ZFP2: variants seen among roughly 807,000 people sequenced by gnomAD.
The protein encoded by ZFP2 is zinc finger protein ZFP2.
A neutral mutation model predicts 36.1 loss-of-function variants in ZFP2; 33 were observed. The observed-to-expected ratio is 0.92, with a 90% confidence interval of 0.69 to 1.22. The LOEUF is 1.22. ZFP2 is among the 50% of genes most tolerant of loss of function. The probability of loss-of-function intolerance (pLI) is 0.00; values close to 1 mark genes in which losing one functional copy is unlikely to be tolerated. For missense variants in ZFP2, 522 were observed against 551.4 expected (o/e 0.95, Z 0.53); for synonymous variants, 170 against 178.0 (o/e 0.96, Z 0.36).
chr5:178,931,099 A>T, intron 4 of ZFP2, 138 bp from the exon 5 acceptor site: 2 of 885,408 alleles, frequency 2.3e-6, no homozygotes, highest in Non-Finnish European at 3.1e-6. Flanking sequence ...AATTTTGGGT[A>T]CATGTTTGAA....
rs972711369 is a variant in ZFP2 at position 178,912,849 on chromosome 5, G to A, written c.-314+130G>A. ...AAGATTGAAATTTTCTGTAGAGAAT[G>A]GAAAATGGGGAACTTCATAAGCCAC... is the stretch of plus-strand genomic sequence containing the variant. On this transcript the variant is annotated intron_variant, in intron 2 of 4. Coordinates refer to ENST00000361362, the MANE Select transcript of ZFP2 (RefSeq NM_030613.4). The A allele has an allele frequency of 1.4e-5, 12 of 875,038 alleles. No homozygotes were observed. The African/African-American group carries it at 1.8e-4, about 13-fold the overall frequency. 54.2% of individuals were successfully genotyped at this position (875,038 alleles called of 1,614,324 possible).
chr5:178,901,302 T>A (rs1392061583), intron 1 of ZFP2, among the ~76,000 whole-genome samples: 1 of 152,256 alleles, frequency 6.6e-6, no homozygotes, highest in African/African-American at 2.4e-5. Flanking sequence ...CTACATGCTC[T>A]TCCATACTTG....
chr5:178,931,234 C>A lies in ZFP2; in HGVS notation c.-77-3C>A. On this transcript the variant is annotated splice_polypyrimidine_tract_variant and splice_region_variant and intron_variant, in intron 4 of 4. Transcript: ENST00000361362. ...GTGCATTTGAATTTTTTTTTTTTTT[C>A]AGACTGGGAGACAAGACTTGAAACC... 1.4e-6 allele frequency: 2 copies of A among 1,454,062 alleles called. No individual in the cohort carries two copies. The highest frequency in any genetic ancestry group is 1.8e-6 in the Non-Finnish European group (2 of 1,104,190). 90.1% of individuals were successfully genotyped at this position (1,454,062 alleles called of 1,614,324 possible).
intron 1 of ZFP2, among the ~76,000 whole-genome samples, chr5:178,906,837 C>T (rs994788025): frequency 6.6e-5 from 10 of 151,094 alleles, no homozygotes; most frequent in South Asian, 2.1e-4. Flanking sequence ...GGATTATAGG[C>T]GTGCACCACC....
chr5:178,919,160 T>C (rs186891084), intron 4 of ZFP2, among the ~76,000 whole-genome samples: 20 of 124,506 alleles, frequency 1.6e-4, no homozygotes, highest in Admixed American at 1.6e-3. Context: ...GCAATGCTAA[T>C]ATTTTTGTTT....
At chr5:178,909,709 A>G in intron 1 of ZFP2, 1 of 1,505,794 alleles carries the variant, frequency 6.6e-7, no homozygotes, top group South Asian at 1.4e-5. Flanking sequence ...CAGAGCCACT[A>G]AGTCTGCTCC....
At chr5:178,910,294 C>T (rs1758265483) in intron 1 of ZFP2, 1 of 1,321,532 alleles carries the variant, frequency 7.6e-7, no homozygotes. Context: ...TCCATGCCTT[C>T]CTCCAAAATT....
chr5:178,903,345 T>C (rs1020734150), intron 1 of ZFP2, among the ~76,000 whole-genome samples: 2 of 152,214 alleles, frequency 1.3e-5, no homozygotes, highest in African/African-American at 4.8e-5. Context: ...ATATAAATAT[T>C]GGGCATATAG....
chr5:178,906,285 G>A (rs1483706204), intron 1 of ZFP2, among the ~76,000 whole-genome samples: 2 of 152,062 alleles, frequency 1.3e-5, no homozygotes, highest in Non-Finnish European at 2.9e-5. Flanking sequence ...GTAATTTGTT[G>A]AAAAAAGTGG....
chr5:178,927,663 A>ATGTGTGTGTG lies in ZFP2; in HGVS notation c.-77-3534_-77-3525dup, dbSNP rs33974182. ...AGGTGCACACCATCATACCTGGCCA[A>ATGTGTGTGTG]TGTGTGTGTGTGTGTGTGTGTGTGT... is the stretch of plus-strand genomic sequence containing the variant. On this transcript the variant is annotated intron_variant, in intron 4 of 4. Transcript: ENST00000361362. Among the ~76,000 whole-genome samples, 715 of 92,508 alleles carry ATGTGTGTGTG rather than the reference A, an allele frequency of 7.7e-3. 8 individuals are homozygous for ATGTGTGTGTG. The highest frequency in any genetic ancestry group is 0.012 in the Non-Finnish European group (506 of 41,562). The allele number at this position is 92,508 out of a possible 152,430, so 60.7% of individuals were successfully genotyped here.
At chr5:178,902,473 C>T (rs1044530440) in intron 1 of ZFP2, among the ~76,000 whole-genome samples, 1 of 152,136 alleles carries the variant, frequency 6.6e-6, no homozygotes, top group Non-Finnish European at 1.5e-5. Context: ...TGTCGTATCT[C>T]CTTGGTCTCC....
chr5:178,929,492 A>G (rs1758772903), intron 4 of ZFP2, among the ~76,000 whole-genome samples: 1 of 152,296 alleles, frequency 6.6e-6, no homozygotes, highest in African/African-American at 2.4e-5. Context: ...TCAAGTTCAA[A>G]GTTCCACAGA....
intron 4 of ZFP2, among the ~76,000 whole-genome samples, chr5:178,927,663 A>ATGTGTGTGTGTGTGTG (rs33974182): frequency 1.1e-5 from 1 of 92,552 alleles, no homozygotes; most frequent in Non-Finnish European, 2.4e-5. Flanking sequence ...TACCTGGCCA[A>ATGTGTGTGTGTGTGTG]TGTGTGTGTG....
chr5:178,932,334 C>G lies in ZFP2; in HGVS notation c.1021C>G (p.Leu341Val). ...AAAAGCTTTCAGTAAGAATTCATCT[C>G]TAACTCAACATCGGAGAATTCACAC... ...CGKAFSKNSS[L>V]TQHRRIHTGE... Residue 341 changes from leucine to valine, a missense_variant, in exon 5 of 5, where the codon CTA (leucine) becomes GTA (valine). Coordinates refer to ENST00000361362, the MANE Select transcript of ZFP2 (RefSeq NM_030613.4). The G allele has an allele frequency of 1.2e-6, 2 of 1,614,160 alleles. No individual in the cohort carries two copies. The highest frequency in any genetic ancestry group is 1.7e-6 in the Non-Finnish European group (2 of 1,180,030).
At chr5:178,924,691 T>A (rs1379000275) in intron 4 of ZFP2, among the ~76,000 whole-genome samples, 1 of 147,352 alleles carries the variant, frequency 6.8e-6, no homozygotes, top group Non-Finnish European at 1.5e-5. Flanking sequence ...AAGACAAAAT[T>A]AGCCAGGCAT....
At chr5:178,902,356 A>T (rs1015799099) in intron 1 of ZFP2, among the ~76,000 whole-genome samples, 11 of 152,346 alleles carry the variant, frequency 7.2e-5, no homozygotes, top group African/African-American at 2.4e-4. Flanking sequence ...TTACATCGAT[A>T]CAATACTATT....
At chr5:178,928,555 C>T (rs767124332) in intron 4 of ZFP2, among the ~76,000 whole-genome samples, 8 of 152,220 alleles carry the variant, frequency 5.3e-5, no homozygotes, top group Admixed American at 1.3e-4. Flanking sequence ...AAATTATTTT[C>T]TTTGACTCTG....
Position 178,931,348 on chromosome 5 carries a change from G to A in ZFP2, c.35G>A (p.Gly12Glu). 6.2e-7 allele frequency: 1 copy of A among 1,612,260 alleles called. No homozygotes were observed. Among genetic ancestry groups the A allele is most frequent in the Non-Finnish European group, 8.5e-7 (1 of 1,179,348 alleles). The part of the protein sequence containing the change: ...EREGIWHSTL[G>E]ETWEPNNWLE... Reference sequence around the variant, plus strand: ...GAAGGTATCTGGCATTCTACTCTAGGGGAAACCTGGGAACCTAATAATTGG... The same window carrying A: ...GAAGGTATCTGGCATTCTACTCTAGAGGAAACCTGGGAACCTAATAATTGG... Residue 12 changes from glycine to glutamate, a missense_variant, in exon 5 of 5, where the codon GGG becomes GAG. By Grantham distance (98) the Gly-to-Glu change is moderately conservative. Coordinates refer to ENST00000361362, the MANE Select transcript of ZFP2 (RefSeq NM_030613.4).
chr5:178,908,809 TCAGA>T (rs1313849081), intron 1 of ZFP2, among the ~76,000 whole-genome samples: 1 of 152,012 alleles, frequency 6.6e-6, no homozygotes, highest in African/African-American at 2.4e-5. Context: ...TAGAGCCCTT[TCAGA>T]TACAAAGCAG....
Sources: allele counts gnomAD v4.1 joint callset (sites outside exome capture counted in the v4.1 genomes callset), GRCh38; gene constraint gnomAD v4.1.1; transcripts MANE v1.5; gene names NCBI Gene and HGNC (gene_info 2026-07-23, HGNC 2026-07-21).